Variants in LIPM observed in about 807,000 individuals in gnomAD.
LIPM encodes lipase member M.
A neutral mutation model predicts 42.4 loss-of-function variants in LIPM; 42 were observed. The observed-to-expected ratio is 0.99, with a 90% CI of 0.77 to 1.28. The LOEUF (loss-of-function observed/expected upper bound fraction) is 1.28, where lower values mean the gene tolerates loss of function less well. LIPM is among the 50% of genes most tolerant of loss of function. The probability of loss-of-function intolerance (pLI) is 0.00; values close to 1 mark genes in which losing one functional copy is unlikely to be tolerated. For missense variants in LIPM, 524 were observed against 520.1 expected, an observed-to-expected ratio of 1.01 and a Z score of -0.07; for synonymous variants, 177 against 173.3, an observed-to-expected ratio of 1.02 and a Z score of -0.17.
In LIPM at chr10:88,808,326, C is replaced by T; in HGVS notation, c.176C>T (p.Pro59Leu). The change falls in exon 2 of 9, where the codon CCC becomes CTC. Residue 59 changes from proline (P) to leucine (L), a missense_variant. Transcript: ENST00000404743. ...ISEIIQHQGY[P>L]CEEYEVATED... Reference sequence around the variant, plus strand: ...GAAATCATCCAACATCAAGGCTATCCCTGTGAGGAATATGAAGTCGCAACT... The same window carrying T: ...GAAATCATCCAACATCAAGGCTATCTCTGTGAGGAATATGAAGTCGCAACT... 1.3e-6 allele frequency: 2 copies of T among 1,550,630 alleles called. No homozygotes were observed. The highest frequency in any genetic ancestry group is 4.9e-5 in the East Asian group (2 of 40,924).
At position 88,808,435 on chromosome 10, in the gene LIPM, A is replaced by C; in HGVS notation, c.265+20A>C. ...AGACAGGTGTGGGTCACCCCATGTCACCGCAACACAGCAGTCTTCTCTGCA... is the reference window on the plus strand; with the variant it reads ...AGACAGGTGTGGGTCACCCCATGTCCCCGCAACACAGCAGTCTTCTCTGCA... On this transcript the variant is annotated intron_variant, in intron 2 of 8. Coordinates refer to ENST00000404743, the MANE Select transcript of LIPM (RefSeq NM_001128215.1). 1 of 1,320,012 alleles carries C rather than the reference A, an allele frequency of 7.6e-7. No homozygotes were observed. Among genetic ancestry groups the C allele is most frequent in the South Asian group, 1.3e-5 (1 of 79,298 alleles). 81.8% of individuals were successfully genotyped at this position (1,320,012 alleles called of 1,614,324 possible).
intron 1 of LIPM, among the ~76,000 whole-genome samples, chr10:88,804,905 G>T (rs1279208313): frequency 6.6e-6 from 1 of 152,202 alleles, no homozygotes; most frequent in East Asian, 1.9e-4. Context: ...TTCAGTAAAA[G>T]ATTACTGTCT....
rs1463326499 is a variant in LIPM, at chr10:88,815,493, A to G, written c.848A>G (p.Asn283Ser). ...CTTCTGGGTGGATTCAACACCAACA[A>G]TATGAACATGGTAAGTGGGAGCCTA... ...MLLLGGFNTN[N>S]MNMSRASVYA... The change falls in exon 6 of 9, where the codon AAT (asparagine) becomes AGT (serine). Residue 283 changes from asparagine to serine, a missense_variant. Coordinates refer to ENST00000404743, the MANE Select transcript of LIPM (RefSeq NM_001128215.1). 1 of 1,551,400 alleles carries G rather than the reference A, an allele frequency of 6.4e-7. No homozygotes were observed. Among genetic ancestry groups the G allele is most frequent in the Non-Finnish European group, 8.7e-7 (1 of 1,146,846 alleles).
rs546873976 is a variant in LIPM at position 88,814,615 on chromosome 10, G to T, written c.550G>T (p.Gly184Cys). ...GGGCCAGGAAAAGATCTATTATGTC[G>T]GCTATTCACAGGGCACCACCATGGG... ...KTGQEKIYYV[G>C]YSQGTTMGFI... The change falls in exon 4 of 9, where the codon GGC becomes TGC. Residue 184 changes from glycine to cysteine, a missense_variant. Transcript: ENST00000404743. 5.8e-6 allele frequency: 9 copies of T among 1,551,542 alleles called. No individual in the cohort carries two copies. Among genetic ancestry groups the T allele is most frequent in the South Asian group, 2.4e-5 (2 of 84,040 alleles).
chr10:88,802,852 T>C lies in LIPM; in HGVS notation c.-45T>C. ...CCCACAAATTCTTCTTACTTTAGAATTAGTTGTTACATTGGCAGGAAAAAA... is the reference window on the plus strand; with the variant it reads ...CCCACAAATTCTTCTTACTTTAGAACTAGTTGTTACATTGGCAGGAAAAAA... On this transcript the variant is annotated 5_prime_UTR_variant, in exon 1 of 9. Coordinates refer to ENST00000404743, the MANE Select transcript of LIPM (RefSeq NM_001128215.1). 6.6e-7 allele frequency: 1 copy of C among 1,504,964 alleles called. No individual in the cohort carries two copies. Among genetic ancestry groups the C allele is most frequent in the Non-Finnish European group, 8.9e-7 (1 of 1,126,490 alleles). The allele number at this position is 1,504,964 out of a possible 1,614,324, so 93.2% of individuals were successfully genotyped here.
Position 88,815,499 on chromosome 10 carries a change from A to T in LIPM, c.854A>T (p.Asn285Ile). 6.4e-7 allele frequency: 1 copy of T among 1,551,340 alleles called. No homozygotes were observed. Among genetic ancestry groups the T allele is most frequent in the Non-Finnish European group, 8.7e-7 (1 of 1,146,798 alleles). Reference sequence around the variant, plus strand: ...GGTGGATTCAACACCAACAATATGAACATGGTAAGTGGGAGCCTAGTAAAT... The same window carrying T: ...GGTGGATTCAACACCAACAATATGATCATGGTAAGTGGGAGCCTAGTAAAT... ...LLGGFNTNNM[N>I]MSRASVYAAH... The change falls in exon 6 of 9, where the codon AAC (asparagine) becomes ATC (isoleucine). Residue 285 changes from asparagine (N) to isoleucine (I), a missense_variant. Transcript: ENST00000404743.
rs1447079909 is a variant in LIPM, at chr10:88,820,508, T to C, written c.*7T>C. ...GTGTGAGGCCGTATTGTGAAGCATC[T>C]GACACTGACGATCTTAGGACAACCT... On this transcript the variant is annotated 3_prime_UTR_variant, in exon 9 of 9. Coordinates refer to ENST00000404743, the MANE Select transcript of LIPM (RefSeq NM_001128215.1). The C allele has an allele frequency of 6.5e-7, 1 of 1,547,856 alleles. No homozygotes were observed. The highest frequency in any genetic ancestry group is 1.4e-5 in the African/African-American group (1 of 73,140).
In LIPM at chr10:88,808,419, T is replaced by G. The variant is rs1355339836; in HGVS notation, c.265+4T>G. On this transcript the variant is annotated splice_donor_region_variant and intron_variant, in intron 2 of 8. Coordinates refer to ENST00000404743, the MANE Select transcript of LIPM (RefSeq NM_001128215.1). Reference sequence around the variant, plus strand: ...CTAGTGCAACCTAAGAAGACAGGTGTGGGTCACCCCATGTCACCGCAACAC... The same window carrying G: ...CTAGTGCAACCTAAGAAGACAGGTGGGGGTCACCCCATGTCACCGCAACAC... 2 of 1,507,144 alleles carry G rather than the reference T, an allele frequency of 1.3e-6. No individual in the cohort carries two copies. 93.4% of individuals were successfully genotyped at this position (1,507,144 alleles called of 1,614,324 possible). A position where few individuals can be genotyped will look rare whatever the true frequency, so the allele number is the denominator to read the frequency against.
At position 88,815,457 on chromosome 10, in the gene LIPM, A is replaced by G; in HGVS notation, c.812A>G (p.Asn271Ser). The change falls in exon 6 of 9, where the codon AAT (asparagine) becomes AGT (serine). Residue 271 changes from asparagine to serine, a missense_variant. Transcript: ENST00000404743. The part of the protein sequence containing the change: ...GQVILDQICS[N>S]IMLLLGGFNT... ...GTGATTCTTGATCAGATTTGTAGTA[A>G]TATCATGTTACTTCTGGGTGGATTC... 1 of 1,551,524 alleles carries G rather than the reference A, an allele frequency of 6.4e-7. No individual in the cohort carries two copies. Among genetic ancestry groups the G allele is most frequent in the Non-Finnish European group, 8.7e-7 (1 of 1,146,872 alleles).
At chr10:88,819,334 G>A (rs916578840) in intron 8 of LIPM, among the ~76,000 whole-genome samples, 5 of 152,132 alleles carry the variant, frequency 3.3e-5, no homozygotes, top group Admixed American at 6.5e-5. Context: ...AACTCAGAGC[G>A]AGATATGACA....
intron 1 of LIPM, among the ~76,000 whole-genome samples, chr10:88,808,087 A>T (rs1843609918): frequency 6.6e-6 from 1 of 152,200 alleles, no homozygotes; most frequent in African/African-American, 2.4e-5. Flanking sequence ...ATACTTTGAG[A>T]ACCATAATTC....
Position 88,815,481 on chromosome 10 carries a change from T to C in LIPM, c.836T>C (p.Phe279Ser), listed in dbSNP as rs556686565. Reference sequence around the variant, plus strand: ...AATATCATGTTACTTCTGGGTGGATTCAACACCAACAATATGAACATGGTA... The same window carrying C: ...AATATCATGTTACTTCTGGGTGGATCCAACACCAACAATATGAACATGGTA... ...CSNIMLLLGGFNTNNMNMSRA... is the reference protein window; with the variant it reads ...CSNIMLLLGGSNTNNMNMSRA... The change falls in exon 6 of 9, where the codon TTC becomes TCC. Residue 279 changes from phenylalanine (F) to serine (S), a missense_variant. Coordinates refer to ENST00000404743, the MANE Select transcript of LIPM (RefSeq NM_001128215.1). 1 of 1,551,508 alleles carries C rather than the reference T, an allele frequency of 6.4e-7. No individual in the cohort carries two copies. Among genetic ancestry groups the C allele is most frequent in the South Asian group, 1.2e-5 (1 of 84,018 alleles).
rs576350470 is a variant in LIPM, at chr10:88,819,365, T to C, written c.1003-867T>C. Among the ~76,000 whole-genome samples, 4 of 152,296 alleles carry C rather than the reference T, an allele frequency of 2.6e-5. No individual in the cohort carries two copies. In the East Asian group the frequency reaches 7.7e-4, roughly 29 times the overall value. The stretch of plus-strand genomic sequence containing the variant: ...TGACATTCAGTTCAATCTTTTCACC[T>C]GTAAGATGACAAAAAAAATTACTAG... On this transcript the variant is annotated intron_variant, in intron 8 of 8. Transcript: ENST00000404743.
At chr10:88,813,072 C>T (rs1354971881) in intron 2 of LIPM, 25 bp from the exon 3 acceptor site, 1 of 1,529,840 alleles carries the variant, frequency 6.5e-7, no homozygotes, top group Non-Finnish European at 8.9e-7. Flanking sequence ...ACATTTCATA[C>T]AGTTGAAATT....
chr10:88,807,286 T>C (rs577215659), intron 1 of LIPM, among the ~76,000 whole-genome samples: 1 of 152,330 alleles, frequency 6.6e-6, no homozygotes, highest in East Asian at 1.9e-4. Context: ...CTAGTTTATG[T>C]AATAGTGTTA....
Position 88,802,846 on chromosome 10 carries a change from T to C in LIPM, c.-51T>C. The C allele has an allele frequency of 2.0e-6, 3 of 1,494,464 alleles. No homozygotes were observed. Among genetic ancestry groups the C allele is most frequent in the Non-Finnish European group, 2.7e-6 (3 of 1,118,870 alleles). 92.6% of individuals were successfully genotyped at this position (1,494,464 alleles called of 1,614,324 possible). On this transcript the variant is annotated 5_prime_UTR_variant, in exon 1 of 9. Coordinates refer to ENST00000404743, the MANE Select transcript of LIPM (RefSeq NM_001128215.1). ...TTTAAACCCACAAATTCTTCTTACTTTAGAATTAGTTGTTACATTGGCAGG... is the reference window on the plus strand; with the variant it reads ...TTTAAACCCACAAATTCTTCTTACTCTAGAATTAGTTGTTACATTGGCAGG...
chr10:88,814,981 T>G (rs1206918543), intron 4 of LIPM, 107 bp from the exon 5 acceptor site: 2 of 1,004,880 alleles, frequency 2.0e-6, no homozygotes, highest in Admixed American at 6.2e-5. Flanking sequence ...AGAGGTAAGA[T>G]GCAGTCACAT....
At chr10:88,804,585 A>T (rs1027872501) in intron 1 of LIPM, among the ~76,000 whole-genome samples, 3 of 152,144 alleles carry the variant, frequency 2.0e-5, no homozygotes, top group Non-Finnish European at 4.4e-5. Flanking sequence ...AAAAAAAAAC[A>T]GCAAGAACCA....
At chr10:88,818,559 C>G (rs1378548706) in intron 8 of LIPM, among the ~76,000 whole-genome samples, 1 of 152,184 alleles carries the variant, frequency 6.6e-6, no homozygotes, top group Non-Finnish European at 1.5e-5. Flanking sequence ...CAGAATTGCA[C>G]AGGTATGCCC....
Sources: allele counts gnomAD v4.1 joint callset (sites outside exome capture counted in the v4.1 genomes callset), GRCh38; gene constraint gnomAD v4.1.1; transcripts MANE v1.5; gene names NCBI Gene and HGNC (gene_info 2026-07-23, HGNC 2026-07-21).